The following ECT2L variants were observed in gnomAD, a reference collection of about 807,000 sequenced individuals.
ECT2L encodes the protein epithelial cell transforming 2 like, also known as epithelial cell-transforming sequence 2 oncogene-like.
In ECT2L, 126 loss-of-function variants were observed where a neutral mutation model predicts 122.8. The observed-to-expected ratio is 1.03, with a 90% CI of 0.89 to 1.19. The LOEUF (loss-of-function observed/expected upper bound fraction) is 1.19. Ranked by LOEUF, ECT2L falls within the 50% of genes most tolerant of loss-of-function variation. The pLI is 0.00. For synonymous variants in ECT2L, 385 were observed against 381.8 expected, an observed-to-expected ratio of 1.01 and a Z score of -0.10; for missense variants, 1,012 against 1,064.1, an observed-to-expected ratio of 0.95 and a Z score of 0.68.
chr6:138,896,828 A>C (rs1373059727), intron 20 of ECT2L, among the ~76,000 whole-genome samples: 1 of 152,018 alleles, frequency 6.6e-6, no homozygotes, highest in Admixed American at 6.6e-5. Context: ...TTGTATTTTT[A>C]GTAGAGACGG....
chr6:138,860,619 A>C (rs974645861), intron 10 of ECT2L, among the ~76,000 whole-genome samples: 1 of 152,280 alleles, frequency 6.6e-6, no homozygotes, highest in Admixed American at 6.5e-5. Context: ...ACAAATAGTT[A>C]AAATAAATTA....
chr6:138,800,996 A>G (rs76435406), intron 1 of ECT2L, among the ~76,000 whole-genome samples: 4,971 of 152,162 alleles, frequency 0.033, 246 homozygotes, highest in African/African-American at 0.11. Flanking sequence ...GGAAGGGTAA[A>G]TGAGGTGAAT....
At chr6:138,808,581 T>C (rs528727529) in intron 1 of ECT2L, among the ~76,000 whole-genome samples, 1 of 152,308 alleles carries the variant, frequency 6.6e-6, no homozygotes, top group Non-Finnish European at 1.5e-5. Flanking sequence ...GAAAAACAAT[T>C]GATTTCTGTA....
chr6:138,887,416 T>G (rs546151352), intron 19 of ECT2L, among the ~76,000 whole-genome samples: 4 of 152,024 alleles, frequency 2.6e-5, no homozygotes, highest in African/African-American at 9.6e-5. Flanking sequence ...TTAGTAGAGA[T>G]GGGGTTTCAC....
intron 16 of ECT2L, among the ~76,000 whole-genome samples, 197 bp from the exon 17 acceptor site, chr6:138,885,309 T>C (rs1778778657): frequency 1.3e-5 from 2 of 152,132 alleles, no homozygotes; most frequent in Non-Finnish European, 2.9e-5. Flanking sequence ...ATTACAGGCA[T>C]GAGCCATAGC....
chr6:138,814,547 G>A lies in ECT2L; in HGVS notation c.123G>A (p.Lys41=), dbSNP rs371182612. 443 of 1,612,456 alleles carry A rather than the reference G, an allele frequency of 2.7e-4. No homozygotes were observed. The highest frequency in any genetic ancestry group is 3.5e-4 in the Non-Finnish European group (418 of 1,179,030). ...ATTGGTTTGACCTCTGGACTAACAA[G>A]CAACGTCAAGAATTCTTATTCGCAA... ...ISHWFDLWTN[K]QRQEFLFAIF... Residue 41 remains lysine, a synonymous_variant, in exon 4 of 22, where the codon AAG becomes AAA. Transcript: ENST00000541398.
At chr6:138,853,996 T>C in intron 9 of ECT2L, 30 bp from the exon 10 acceptor site, 5 of 1,607,524 alleles carry the variant, frequency 3.1e-6, no homozygotes, top group Non-Finnish European at 4.3e-6. Context: ...TGTTACAAGC[T>C]AATATGACAT....
intron 13 of ECT2L, among the ~76,000 whole-genome samples, chr6:138,872,774 C>T (rs962746575): frequency 2.6e-5 from 4 of 152,192 alleles, no homozygotes; most frequent in African/African-American, 9.7e-5. Flanking sequence ...TCCCTGGAAT[C>T]CTTATTGGAT....
chr6:138,839,411 C>T (rs1196098152), intron 5 of ECT2L, among the ~76,000 whole-genome samples: 1 of 150,172 alleles, frequency 6.7e-6, no homozygotes, highest in Non-Finnish European at 1.5e-5. Context: ...GTCACCCAGG[C>T]TGGAATACAG....
intron 17 of ECT2L, 39 bp from the exon 18 acceptor site, chr6:138,885,635 C>T (rs984694022): frequency 6.2e-7 from 1 of 1,613,800 alleles, no homozygotes; most frequent in Non-Finnish European, 8.5e-7. Flanking sequence ...ATTCCTGGGC[C>T]TTCAGAGACC....
intron 4 of ECT2L, among the ~76,000 whole-genome samples, chr6:138,835,697 C>A (rs1731283968): frequency 6.6e-6 from 1 of 152,086 alleles, no homozygotes; most frequent in Non-Finnish European, 1.5e-5. Flanking sequence ...AACACAAGGA[C>A]ACACTGCTGA....
At position 138,902,715 on chromosome 6, in the gene ECT2L, A is replaced by G. The variant is rs1009714886; in HGVS notation, c.*88A>G. The stretch of plus-strand genomic sequence containing the variant: ...TCTGTTCCAAAATATCCAGTAAGAA[A>G]CAGAATAACTGTCATGGATGATGAG... On this transcript the variant is annotated 3_prime_UTR_variant, in exon 22 of 22. Coordinates refer to ENST00000541398, the MANE Select transcript of ECT2L (RefSeq NM_001077706.3). 6 of 1,477,132 alleles carry G rather than the reference A, an allele frequency of 4.1e-6. No individual in the cohort carries two copies. The Admixed American group carries it at 9.1e-5, about 22-fold the overall frequency. 91.5% of individuals were successfully genotyped at this position (1,477,132 alleles called of 1,614,324 possible). A position where few individuals can be genotyped will look rare whatever the true frequency, so the allele number is the denominator to read the frequency against.
intron 11 of ECT2L, 87 bp downstream of exon 11, chr6:138,862,806 G>A (rs1219022426): frequency 9.2e-7 from 1 of 1,083,064 alleles, no homozygotes; most frequent in African/African-American, 1.5e-5. Flanking sequence ...TAATAGTACT[G>A]GTATGGCTGA....
At chr6:138,890,113 A>G (rs2128411085) in intron 20 of ECT2L, among the ~76,000 whole-genome samples, 1 of 152,352 alleles carries the variant, frequency 6.6e-6, no homozygotes, top group South Asian at 2.1e-4. Context: ...ACTGTTCATC[A>G]AACTATGAAT....
At chr6:138,892,495 C>T (rs1161520437) in intron 20 of ECT2L, among the ~76,000 whole-genome samples, 3 of 151,910 alleles carry the variant, frequency 2.0e-5, no homozygotes, top group Non-Finnish European at 4.4e-5. Context: ...TCTTAGTACC[C>T]CTTATAATTT....
chr6:138,880,092 T>C (rs1778592786), intron 14 of ECT2L, among the ~76,000 whole-genome samples: 1 of 152,244 alleles, frequency 6.6e-6, no homozygotes, highest in African/African-American at 2.4e-5. Context: ...GTTAGATCCT[T>C]AATACTGAAA....
intron 12 of ECT2L, among the ~76,000 whole-genome samples, chr6:138,867,556 TCCC>T (rs1211392152): frequency 6.7e-6 from 1 of 149,312 alleles, no homozygotes; most frequent in Non-Finnish European, 1.5e-5. Context: ...ACGCCTGTAA[TCCC>T]AGCACTTTGG....
At chr6:138,877,677 T>C (rs1778499308) in intron 14 of ECT2L, among the ~76,000 whole-genome samples, 1 of 152,206 alleles carries the variant, frequency 6.6e-6, no homozygotes, top group Admixed American at 6.5e-5. Flanking sequence ...CTCATGTTTG[T>C]AATCCCAGCA....
At chr6:138,856,784 TAAC>T (rs1160049826) in intron 10 of ECT2L, among the ~76,000 whole-genome samples, 1 of 152,224 alleles carries the variant, frequency 6.6e-6, no homozygotes, top group Non-Finnish European at 1.5e-5. Context: ...CTGATTGGTC[TAAC>T]TTTACTTTGG....
Sources: allele counts gnomAD v4.1 joint callset (sites outside exome capture counted in the v4.1 genomes callset), GRCh38; gene constraint gnomAD v4.1.1; transcripts MANE v1.5; gene names NCBI Gene and HGNC (gene_info 2026-07-23, HGNC 2026-07-21).